The following GALNT13 variants were observed in gnomAD, a reference collection of about 807,000 sequenced individuals.
GALNT13 encodes the protein polypeptide N-acetylgalactosaminyltransferase 13, also known as UDP-GalNAc:polypeptide N-acetylgalactosaminyltransferase 13.
A neutral mutation model predicts 64.2 loss-of-function variants in GALNT13; 28 were observed. That is an observed-to-expected ratio of 0.44 (90% confidence interval 0.32 to 0.60). The LOEUF (loss-of-function observed/expected upper bound fraction) is 0.60, where lower values mean the gene tolerates loss of function less well. Ranked by LOEUF, GALNT13 falls within the 20% of genes least tolerant of loss-of-function variation. The pLI is 0.05. For missense variants in GALNT13, 577 were observed against 669.8 expected (o/e 0.86, Z 1.53); for synonymous variants, 214 against 224.6 (o/e 0.95, Z 0.42).
At chr2:153,494,790 G>T in the GALNT13 span, among the ~76,000 whole-genome samples, 1 of 151,954 alleles carries the variant, frequency 6.6e-6, no homozygotes, top group African/African-American at 2.4e-5. Context: ...CACTTTGAAA[G>T]AAAACTTTAG....
the GALNT13 span, among the ~76,000 whole-genome samples, chr2:153,129,791 G>A: frequency 2.0e-5 from 3 of 151,964 alleles, no homozygotes; most frequent in African/African-American, 4.8e-5. Flanking sequence ...GAACCAATTG[G>A]CAGTAAGTTT....
At chr2:154,208,747 G>A (rs1163333703) in intron 4 of GALNT13, among the ~76,000 whole-genome samples, 1 of 151,104 alleles carries the variant, frequency 6.6e-6, no homozygotes, top group Non-Finnish European at 1.5e-5. Context: ...TACCTCAAAT[G>A]CCCATAAGTA....
At chr2:153,134,002 C>T in the GALNT13 span, among the ~76,000 whole-genome samples, 1 of 152,184 alleles carries the variant, frequency 6.6e-6, no homozygotes, top group African/African-American at 2.4e-5. Context: ...ATATTTGAAG[C>T]ACAAACAGCA....
At chr2:153,563,528 T>C in the GALNT13 span, among the ~76,000 whole-genome samples, 3 of 152,280 alleles carry the variant, frequency 2.0e-5, no homozygotes, top group South Asian at 2.1e-4. Flanking sequence ...GGAACAGTTC[T>C]GCTGTGTGGA....
At chr2:153,259,286 C>T in the GALNT13 span, among the ~76,000 whole-genome samples, 98 of 138,666 alleles carry the variant, frequency 7.1e-4, 1 homozygote, top group East Asian at 0.016. Context: ...TATCTCTTTC[C>T]GTTCTTTTAT....
At chr2:153,877,924 T>C (rs964430619) in intron 1 of GALNT13, among the ~76,000 whole-genome samples, 6 of 152,164 alleles carry the variant, frequency 3.9e-5, no homozygotes, top group Non-Finnish European at 8.8e-5. Flanking sequence ...ATATGAGTAA[T>C]AGTATGTTAC....
intron 9 of GALNT13, among the ~76,000 whole-genome samples, chr2:154,366,100 T>C (rs998784377): frequency 4.6e-5 from 7 of 152,280 alleles, no homozygotes; most frequent in Middle Eastern, 3.4e-3. Context: ...TGTATGAACA[T>C]ATATCATTTA....
chr2:154,111,934 A>G (rs1047544651), intron 3 of GALNT13, among the ~76,000 whole-genome samples: 1 of 152,234 alleles, frequency 6.6e-6, no homozygotes, highest in South Asian at 2.1e-4. Flanking sequence ...TTTTAGGCAT[A>G]AAGTGAGTGC....
chr2:153,895,180 A>G (rs569008063), intron 1 of GALNT13, among the ~76,000 whole-genome samples: 3 of 152,190 alleles, frequency 2.0e-5, no homozygotes, highest in East Asian at 3.9e-4. Flanking sequence ...AAATGGTAAT[A>G]TCTAGTGTTG....
At chr2:153,780,334 C>A in the GALNT13 span, among the ~76,000 whole-genome samples, 2 of 150,460 alleles carry the variant, frequency 1.3e-5, no homozygotes, top group Non-Finnish European at 2.9e-5. Context: ...GTTTAACCTA[C>A]TTCTGGAACC....
the GALNT13 span, among the ~76,000 whole-genome samples, chr2:153,593,804 G>C: frequency 4.6e-5 from 7 of 152,208 alleles, no homozygotes; most frequent in Admixed American, 6.5e-5. Flanking sequence ...CACTGGACTT[G>C]ATAAACCACT....
the GALNT13 span, among the ~76,000 whole-genome samples, chr2:153,257,373 AC>A: frequency 4.6e-5 from 7 of 151,936 alleles, 1 homozygote; most frequent in African/African-American, 1.4e-4. Flanking sequence ...AGTGAGATGA[AC>A]CCGGTACCTC....
the GALNT13 span, among the ~76,000 whole-genome samples, chr2:153,613,962 G>A: frequency 6.6e-6 from 1 of 151,924 alleles, no homozygotes; most frequent in Non-Finnish European, 1.5e-5. Flanking sequence ...GTATACATAT[G>A]TAAGAAACCT....
At chr2:153,934,028 T>G (rs1030972201) in intron 2 of GALNT13, among the ~76,000 whole-genome samples, 3 of 152,162 alleles carry the variant, frequency 2.0e-5, no homozygotes, top group Non-Finnish European at 4.4e-5. Flanking sequence ...CTTTAACATT[T>G]TTCTTTCATG....
At chr2:153,298,338 C>T in the GALNT13 span, among the ~76,000 whole-genome samples, 11 of 152,136 alleles carry the variant, frequency 7.2e-5, no homozygotes, top group Admixed American at 1.3e-4. Flanking sequence ...AGGTCACCTT[C>T]GTGACCGGAC....
At chr2:153,482,572 C>T in the GALNT13 span, among the ~76,000 whole-genome samples, 4 of 152,152 alleles carry the variant, frequency 2.6e-5, no homozygotes, top group African/African-American at 9.7e-5. Context: ...CAGGTTCAAG[C>T]GATTCTCCTG....
the GALNT13 span, among the ~76,000 whole-genome samples, chr2:153,673,761 C>A: frequency 1.3e-5 from 2 of 152,284 alleles, no homozygotes; most frequent in East Asian, 3.9e-4. Flanking sequence ...AAGAGGAAGT[C>A]AAATTGTCTC....
intron 3 of GALNT13, among the ~76,000 whole-genome samples, chr2:154,092,123 CT>C (rs1021183191): frequency 9.1e-5 from 13 of 142,336 alleles, no homozygotes; most frequent in Non-Finnish European, 1.8e-4. Context: ...GTTGTGTACG[CT>C]TGTTCAGATG....
the GALNT13 span, among the ~76,000 whole-genome samples, chr2:153,634,492 A>G: frequency 6.6e-6 from 1 of 151,016 alleles, no homozygotes; most frequent in Non-Finnish European, 1.5e-5. Flanking sequence ...TCCTTGGGAG[A>G]AGTGGTTCAT....
Sources: allele counts gnomAD v4.1 joint callset (sites outside exome capture counted in the v4.1 genomes callset), GRCh38; gene constraint gnomAD v4.1.1; transcripts MANE v1.5; gene names NCBI Gene and HGNC (gene_info 2026-07-23, HGNC 2026-07-21).